SV2C: variants seen among roughly 807,000 people sequenced by gnomAD.
SV2C encodes synaptic vesicle glycoprotein 2C.
Under a neutral mutation model 79.7 loss-of-function variants are expected in SV2C, and 49 were observed. The observed-to-expected ratio is 0.61, with a 90% CI of 0.49 to 0.78. The LOEUF (loss-of-function observed/expected upper bound fraction) is 0.78, where lower values mean the gene tolerates loss of function less well. Among genes scored for constraint, SV2C ranks in the 30% least tolerant of loss-of-function variants. The pLI is 0.00. For missense variants in SV2C, 833 were observed against 912.9 expected (o/e 0.91, Z 1.13); for synonymous variants, 334 against 333.2 (o/e 1.00, Z -0.03).
intron 8 of SV2C, among the ~76,000 whole-genome samples, chr5:76,293,768 T>C (rs1373519892): frequency 6.6e-6 from 1 of 152,182 alleles, no homozygotes; most frequent in Non-Finnish European, 1.5e-5. Flanking sequence ...TCTGAGCACT[T>C]TCTATGTGCT....
At chr5:75,851,163 C>T in the SV2C span, among the ~76,000 whole-genome samples, 2 of 152,124 alleles carry the variant, frequency 1.3e-5, no homozygotes, top group African/African-American at 4.8e-5. Flanking sequence ...ACGGGATGAC[C>T]CAGCAAAAGT....
chr5:76,073,425 G>A, the SV2C span, among the ~76,000 whole-genome samples: 3 of 147,248 alleles, frequency 2.0e-5, no homozygotes, highest in Admixed American at 6.8e-5. Flanking sequence ...ATCACAATTC[G>A]CAATTGCAAA....
the SV2C span, among the ~76,000 whole-genome samples, chr5:76,024,850 G>GA: frequency 3.9e-5 from 6 of 152,228 alleles, no homozygotes; most frequent in East Asian, 1.2e-3. Context: ...GTGTTTGGTT[G>GA]AAAAAAATCT....
At chr5:76,072,257 A>G in the SV2C span, among the ~76,000 whole-genome samples, 1 of 152,206 alleles carries the variant, frequency 6.6e-6, no homozygotes, top group East Asian at 1.9e-4. Context: ...TCAAGAAAAA[A>G]TGTGAAAAAT....
chr5:76,044,526 A>G, the SV2C span, among the ~76,000 whole-genome samples: 1 of 152,214 alleles, frequency 6.6e-6, no homozygotes, highest in Admixed American at 6.5e-5. Flanking sequence ...TATTCCCACC[A>G]ATAGTGTAAA....
intron 4 of SV2C, among the ~76,000 whole-genome samples, chr5:76,251,355 C>T (rs1579988597): frequency 6.6e-6 from 1 of 151,958 alleles, no homozygotes; most frequent in South Asian, 2.1e-4. Context: ...CCAGTCTGGG[C>T]AATATGACAA....
chr5:75,892,926 T>C, the SV2C span, among the ~76,000 whole-genome samples: 1 of 152,090 alleles, frequency 6.6e-6, no homozygotes, highest in Non-Finnish European at 1.5e-5. Context: ...CTATTTTTCT[T>C]TGGGTATATA....
the SV2C span, among the ~76,000 whole-genome samples, chr5:76,014,842 T>C: frequency 6.6e-6 from 1 of 152,192 alleles, no homozygotes; most frequent in Non-Finnish European, 1.5e-5. Context: ...GCCCATCTGA[T>C]TGATGTAGAA....
chr5:75,882,409 C>T, the SV2C span, among the ~76,000 whole-genome samples: 1 of 148,752 alleles, frequency 6.7e-6, no homozygotes, highest in Non-Finnish European at 1.5e-5. Flanking sequence ...CTTTAAAGTT[C>T]ATATGGAACC....
the SV2C span, among the ~76,000 whole-genome samples, chr5:75,885,428 A>C: frequency 1.3e-5 from 2 of 152,166 alleles, no homozygotes; most frequent in Non-Finnish European, 2.9e-5. Flanking sequence ...CAGATTTGCT[A>C]GCAGTCTTTA....
intron 2 of SV2C, among the ~76,000 whole-genome samples, chr5:76,164,527 A>G (rs1742989377): frequency 6.6e-6 from 1 of 152,214 alleles, no homozygotes. Flanking sequence ...ATATGCCCAC[A>G]GTTTGAGTTC....
At chr5:76,070,324 G>A in the SV2C span, among the ~76,000 whole-genome samples, 25 of 152,178 alleles carry the variant, frequency 1.6e-4, no homozygotes, top group East Asian at 1.5e-3. Flanking sequence ...AGGAAATCTC[G>A]CACCACAGAG....
the SV2C span, among the ~76,000 whole-genome samples, chr5:75,928,222 C>T: frequency 6.6e-6 from 1 of 152,160 alleles, no homozygotes; most frequent in South Asian, 2.1e-4. Context: ...CAAACAGAAA[C>T]TTTGTATCCA....
chr5:75,935,838 T>G, the SV2C span, among the ~76,000 whole-genome samples: 5 of 152,150 alleles, frequency 3.3e-5, no homozygotes, highest in African/African-American at 9.7e-5. Flanking sequence ...TAGCTACAGG[T>G]TTTCTATTCA....
Position 76,090,139 on chromosome 5 carries a change from G to C in SV2C, c.-102+6627G>C, listed in dbSNP as rs189586065. On this transcript the variant is annotated intron_variant, in intron 1 of 12. Transcript: ENST00000502798. The stretch of plus-strand genomic sequence containing the variant: ...GCAGTTACAAAAGTCCTGTTCTCAA[G>C]GAGCACCTATCTGTGGGCTGATAAC... Among the ~76,000 whole-genome samples, 295 of 152,336 alleles carry C rather than the reference G, an allele frequency of 1.9e-3. 1 individual carries two copies. The highest frequency in any genetic ancestry group is 6.8e-3 in the African/African-American group (282 of 41,578).
the SV2C span, among the ~76,000 whole-genome samples, chr5:76,009,077 A>G: frequency 1.3e-5 from 2 of 152,092 alleles, no homozygotes; most frequent in Non-Finnish European, 1.5e-5. Context: ...GAAAACTGCA[A>G]CCCACCCTCT....
rs149265205 is a variant in SV2C, at chr5:76,212,851, G to T, written c.913+2964G>T. ...AGATTTTCTCTCCTGCCTTGTCACC[G>T]GTCAGTCAGTGGCCAACCCACAAAG... On this transcript the variant is annotated intron_variant, in intron 4 of 12. Transcript: ENST00000502798. 2.3e-3 allele frequency among the ~76,000 whole-genome samples: 344 copies of T among 152,118 alleles called. 3 individuals carry two copies. Among genetic ancestry groups the T allele is most frequent in the African/African-American group, 6.3e-3 (263 of 41,480 alleles).
chr5:76,109,272 A>G (rs1748022886), intron 1 of SV2C, among the ~76,000 whole-genome samples: 1 of 150,350 alleles, frequency 6.7e-6, no homozygotes, highest in Non-Finnish European at 1.5e-5. Context: ...AGAGTTGCAA[A>G]GGGCTCAATC....
rs1248564213 is a variant in SV2C, at chr5:76,285,657, A to T, written c.1048-124A>T. 6 of 737,574 alleles carry T rather than the reference A, an allele frequency of 8.1e-6. No homozygotes were observed. The Admixed American group carries it at 1.0e-4, about 13-fold the overall frequency. The allele number at this position is 737,574 out of a possible 1,614,324, so 45.7% of individuals were successfully genotyped here. A position where few individuals can be genotyped will look rare whatever the true frequency, so the allele number is the denominator to read the frequency against. ...CAAATAGTCTGTATGTTCCAATGGGATGTACTGAGATACATTTGCACAATT... is the reference window on the plus strand; with the variant it reads ...CAAATAGTCTGTATGTTCCAATGGGTTGTACTGAGATACATTTGCACAATT... On this transcript the variant is annotated intron_variant, in intron 5 of 12. Coordinates refer to ENST00000502798, the MANE Select transcript of SV2C (RefSeq NM_014979.4).
Sources: allele counts gnomAD v4.1 joint callset (sites outside exome capture counted in the v4.1 genomes callset), GRCh38; gene constraint gnomAD v4.1.1; transcripts MANE v1.5; gene names NCBI Gene and HGNC (gene_info 2026-07-23, HGNC 2026-07-21).